Variants in GRID2 observed in about 807,000 individuals in gnomAD.
The protein encoded by GRID2 is glutamate ionotropic receptor delta type subunit 2, also known as glutamate receptor ionotropic, delta-2.
GRID2 carries 33 observed loss-of-function variants against 114.8 expected under a neutral mutation model. The ratio of observed to expected loss-of-function variants is 0.29; its 90% CI spans 0.22 to 0.38. The LOEUF is 0.38. GRID2 is among the 10% of genes least tolerant of loss of function. GRID2 has a pLI of 1.00. For synonymous variants in GRID2, 505 were observed against 449.9 expected (o/e 1.12, Z -1.55); for missense variants, 1,184 against 1,257.7 (o/e 0.94, Z 0.89).
At chr4:92,611,132 A>ATG (rs1165644955) in intron 2 of GRID2, among the ~76,000 whole-genome samples, 2 of 133,660 alleles carry the variant, frequency 1.5e-5, no homozygotes, top group African/African-American at 2.8e-5. Flanking sequence ...GTGTGTGTGC[A>ATG]TGTGTGTGTG....
At chr4:93,729,134 G>C (rs1040227913) in intron 14 of GRID2, among the ~76,000 whole-genome samples, 3 of 152,118 alleles carry the variant, frequency 2.0e-5, no homozygotes, top group Non-Finnish European at 1.5e-5. Flanking sequence ...CTGACCTCAT[G>C]ATCCGCCCAC....
chr4:93,698,520 C>T (rs1225729336), intron 14 of GRID2, among the ~76,000 whole-genome samples: 3 of 151,986 alleles, frequency 2.0e-5, no homozygotes, highest in Non-Finnish European at 4.4e-5. Flanking sequence ...GAGGTCATAA[C>T]TTGAACTGAG....
chr4:93,729,267 A>T (rs1040190964), intron 14 of GRID2, among the ~76,000 whole-genome samples: 1 of 152,152 alleles, frequency 6.6e-6, no homozygotes, highest in Admixed American at 6.5e-5. Context: ...CCACTTATGG[A>T]TCCGCTGAAT....
At chr4:93,137,176 A>G (rs563735338) in intron 4 of GRID2, among the ~76,000 whole-genome samples, 121 of 152,300 alleles carry the variant, frequency 7.9e-4, no homozygotes, top group African/African-American at 2.8e-3. Context: ...ACCCTTCTCA[A>G]ATTTCAGTAG....
intron 8 of GRID2, among the ~76,000 whole-genome samples, chr4:93,367,267 G>A (rs1374222285): frequency 6.8e-6 from 1 of 147,682 alleles, no homozygotes; most frequent in African/African-American, 2.5e-5. Flanking sequence ...GTGTATCAGA[G>A]CCAGCTAGTT....
chr4:92,799,417 CT>C (rs1318414586), intron 2 of GRID2, among the ~76,000 whole-genome samples: 1 of 151,968 alleles, frequency 6.6e-6, no homozygotes, highest in Non-Finnish European at 1.5e-5. Flanking sequence ...CTGGGGACCC[CT>C]GGCTTAAACA....
intron 2 of GRID2, among the ~76,000 whole-genome samples, chr4:92,898,917 A>G (rs942887543): frequency 5.9e-5 from 9 of 152,166 alleles, no homozygotes; most frequent in African/African-American, 2.2e-4. Flanking sequence ...ATTAATAGTA[A>G]CAATAACTTT....
intron 1 of GRID2, among the ~76,000 whole-genome samples, chr4:92,579,185 C>T (rs945679988): frequency 1.6e-4 from 25 of 151,922 alleles, no homozygotes; most frequent in African/African-American, 6.0e-4. Flanking sequence ...AACTTGAGCT[C>T]TGTGGTAAAT....
At chr4:93,017,901 T>TA (rs1317058648) in intron 2 of GRID2, among the ~76,000 whole-genome samples, 4 of 147,618 alleles carry the variant, frequency 2.7e-5, no homozygotes, top group South Asian at 2.1e-4. Flanking sequence ...TTTTTTTTTT[T>TA]ACTCCTATGT....
intron 1 of GRID2, among the ~76,000 whole-genome samples, chr4:92,379,500 A>G (rs1026728142): frequency 6.6e-6 from 1 of 152,082 alleles, no homozygotes; most frequent in South Asian, 2.1e-4. Flanking sequence ...ATAATTTTTA[A>G]AACAAATATC....
rs546857019 is a variant in GRID2, at chr4:93,021,392, T to A, written c.245-63603T>A. 8.0e-5 allele frequency among the ~76,000 whole-genome samples: 12 copies of A among 150,268 alleles called. No individual in the cohort carries two copies. In the East Asian group the frequency reaches 2.3e-3, roughly 29 times the overall value. On this transcript the variant is annotated intron_variant, in intron 2 of 15. Transcript: ENST00000282020. ...CATATTAAGAGATCTATATTATAAATGTTAATAGAGTTATTTAACATATTT... is the reference window on the plus strand; with the variant it reads ...CATATTAAGAGATCTATATTATAAAAGTTAATAGAGTTATTTAACATATTT...
chr4:93,651,955 A>C (rs1353469517), intron 14 of GRID2, among the ~76,000 whole-genome samples: 1 of 152,162 alleles, frequency 6.6e-6, no homozygotes. Context: ...TTGGGACCAC[A>C]GGGAAGCAGT....
chr4:92,993,462 A>G (rs1167102270), intron 2 of GRID2, among the ~76,000 whole-genome samples: 3 of 152,206 alleles, frequency 2.0e-5, no homozygotes, highest in African/African-American at 4.8e-5. Context: ...CTATTATAAA[A>G]CTATTAAATA....
chr4:92,676,166 C>G (rs1171069401), intron 2 of GRID2, among the ~76,000 whole-genome samples: 1 of 98,722 alleles, frequency 1.0e-5, no homozygotes, highest in Non-Finnish European at 2.3e-5. Context: ...GCCCCCCCCC[C>G]CCCCTTTTTT....
At chr4:93,430,324 G>A (rs1442075687) in intron 10 of GRID2, among the ~76,000 whole-genome samples, 9 of 152,004 alleles carry the variant, frequency 5.9e-5, no homozygotes, top group Non-Finnish European at 5.9e-5. Flanking sequence ...GTGATTACAC[G>A]CACCCACCAC....
intron 14 of GRID2, among the ~76,000 whole-genome samples, chr4:93,733,578 C>T (rs1462117262): frequency 1.3e-5 from 2 of 152,150 alleles, no homozygotes; most frequent in Non-Finnish European, 2.9e-5. Flanking sequence ...GTCACTCTGT[C>T]TGTCTACCTA....
chr4:93,754,054 T>C (rs1168632550), intron 14 of GRID2, among the ~76,000 whole-genome samples: 1 of 152,202 alleles, frequency 6.6e-6, no homozygotes, highest in Non-Finnish European at 1.5e-5. Context: ...GTATTTCTTC[T>C]AGTCTACAAA....
chr4:92,466,830 ATG>A (rs199699391), intron 1 of GRID2, among the ~76,000 whole-genome samples: 3 of 151,102 alleles, frequency 2.0e-5, no homozygotes, highest in Non-Finnish European at 4.4e-5. Context: ...ATATATATAT[ATG>A]TGTGTGTGTG....
At chr4:93,512,702 C>CT (rs923767167) in intron 12 of GRID2, among the ~76,000 whole-genome samples, 7 of 152,062 alleles carry the variant, frequency 4.6e-5, no homozygotes, top group African/African-American at 1.4e-4. Context: ...TATAAACTGC[C>CT]TTTTTTGTAA....
Sources: allele counts gnomAD v4.1 joint callset (sites outside exome capture counted in the v4.1 genomes callset), GRCh38; gene constraint gnomAD v4.1.1; transcripts MANE v1.5; gene names NCBI Gene and HGNC (gene_info 2026-07-23, HGNC 2026-07-21).